The following ZW10 variants were observed in gnomAD, a reference collection of about 807,000 sequenced individuals.
ZW10 encodes centromere/kinetochore protein zw10 homolog.
Under a neutral mutation model 87.8 loss-of-function variants are expected in ZW10, and 53 were observed. That is an observed-to-expected ratio of 0.60 (90% CI 0.48 to 0.76). The LOEUF is 0.76. ZW10 is among the 30% of genes least tolerant of loss of function. The pLI is 0.00. For synonymous variants in ZW10, 312 were observed against 329.2 expected (o/e 0.95, Z 0.57); for missense variants, 837 against 923.0 (o/e 0.91, Z 1.21).
chr11:113,737,421 A>G (rs1041204619), intron 14 of ZW10, 151 bp downstream of exon 14: 1 of 774,164 alleles, frequency 1.3e-6, no homozygotes, highest in Non-Finnish European at 2.0e-6. Context: ...GTTTCTAGCA[A>G]AACAGATATA....
At chr11:113,741,979 T>G (rs530685484) in intron 10 of ZW10, among the ~76,000 whole-genome samples, 38 of 152,366 alleles carry the variant, frequency 2.5e-4, no homozygotes, top group Non-Finnish European at 4.4e-4. Context: ...AACACCTGGA[T>G]GCATTAATGA....
intron 15 of ZW10, among the ~76,000 whole-genome samples, chr11:113,735,616 G>C (rs1473285354): frequency 6.6e-6 from 1 of 152,086 alleles, no homozygotes; most frequent in Admixed American, 6.5e-5. Context: ...CCTCTACAGA[G>C]AGTCCTTTAT....
At chr11:113,744,157 G>T in intron 9 of ZW10, 117 bp from the exon 10 acceptor site, 1 of 765,136 alleles carries the variant, frequency 1.3e-6, no homozygotes, top group Non-Finnish European at 2.1e-6. Context: ...GGAGGCCGAG[G>T]CGGGCAGATC....
At position 113,733,430 on chromosome 11, in the gene ZW10, C is replaced by A. The variant is rs1953512638; in HGVS notation, c.*264G>T. On this transcript the variant is annotated 3_prime_UTR_variant, in exon 16 of 16. Coordinates refer to ENST00000200135, the MANE Select transcript of ZW10 (RefSeq NM_004724.4). Reference sequence around the variant, plus strand: ...CTGGAAGCAGCATGAAATAATGCTGCCTGACAGTTTGTTAGCTAATCAAAG... The same window carrying A: ...CTGGAAGCAGCATGAAATAATGCTGACTGACAGTTTGTTAGCTAATCAAAG... The A allele has an allele frequency of 1.2e-5, 5 of 434,716 alleles. No homozygotes were observed. The East Asian group carries it at 2.4e-4, about 21-fold the overall frequency. The allele number at this position is 434,716 out of a possible 1,614,324, so 26.9% of individuals were successfully genotyped here. A position where few individuals can be genotyped will look rare whatever the true frequency, so the allele number is the denominator to read the frequency against.
rs1240269398 is a variant in ZW10 at position 113,747,570 on chromosome 11, G to A, written c.1233C>T (p.Ala411=). The change falls in exon 9 of 16, where the codon GCC becomes GCT. Residue 411 remains alanine, a synonymous_variant. Transcript: ENST00000200135. ...GAATTTCTGAGGTCATTAGATTTCT[G>A]GCTGCCACAATCACATCCTGGCACT... The part of the protein sequence containing the change: ...NKKCQDVIVA[A]RNLMTSEIHN... 6.2e-7 allele frequency: 1 copy of A among 1,613,420 alleles called. No individual in the cohort carries two copies. The highest frequency in any genetic ancestry group is 1.7e-5 in the Admixed American group (1 of 59,986).
In ZW10 at chr11:113,773,658, C is replaced by T. The variant is rs750810822; in HGVS notation, c.9G>A (p.Ser3=). The T allele has an allele frequency of 6.2e-7, 1 of 1,613,202 alleles. No individual in the cohort carries two copies. Among genetic ancestry groups the T allele is most frequent in the South Asian group, 1.1e-5 (1 of 90,992 alleles). The change falls in exon 1 of 16, where the codon TCG becomes TCA. Residue 3 remains serine, a synonymous_variant. Coordinates refer to ENST00000200135, the MANE Select transcript of ZW10 (RefSeq NM_004724.4). MA[S]FVTEVLAHSG... is the part of the protein sequence containing the mutation. ...AGTGTGCCAAAACTTCTGTCACGAA[C>T]GAGGCCATGGCCAAGACGGGAACCA... is the stretch of plus-strand genomic sequence containing the variant.
At chr11:113,736,457 C>T (rs139863682) in intron 15 of ZW10, among the ~76,000 whole-genome samples, 163 bp downstream of exon 15, 480 of 152,258 alleles carry the variant, frequency 3.2e-3, no homozygotes, top group Non-Finnish European at 4.9e-3. Context: ...GTAATGAGAT[C>T]TGCATTATGA....
intron 10 of ZW10, among the ~76,000 whole-genome samples, chr11:113,742,346 T>C (rs949984209): frequency 2.0e-5 from 3 of 152,234 alleles, no homozygotes; most frequent in African/African-American, 7.2e-5. Flanking sequence ...ATAAGGTTTG[T>C]GTAACTTACC....
At position 113,760,523 on chromosome 11, in the gene ZW10, C is replaced by T. The variant is rs200622589; in HGVS notation, c.410G>A (p.Arg137His). 6.8e-5 allele frequency: 110 copies of T among 1,613,636 alleles called. No individual in the cohort carries two copies. The African/African-American group carries it at 9.9e-4, about 14-fold the overall frequency. ...GAGAGCATTTAGTACCTCTTCCAGACGCTGAGCACCAGTGACATACTTCTT... is the reference window on the plus strand; with the variant it reads ...GAGAGCATTTAGTACCTCTTCCAGATGCTGAGCACCAGTGACATACTTCTT... The part of the protein sequence containing the change: ...TEKKYVTGAQ[R>H]LEEAQKCLKL... The change falls in exon 4 of 16, where the codon CGT becomes CAT. Residue 137 changes from arginine to histidine, a missense_variant. Arg to His is a conservative substitution (Grantham distance 29, BLOSUM62 0). Transcript: ENST00000200135.
At chr11:113,771,393 T>A (rs1009201147) in intron 1 of ZW10, 1 of 152,276 alleles carries the variant, frequency 6.6e-6, no homozygotes, top group East Asian at 1.9e-4. Flanking sequence ...AGTACTTACC[T>A]GGGCTGGAGT....
intron 11 of ZW10, 58 bp from the exon 12 acceptor site, chr11:113,739,440 T>A: frequency 6.7e-7 from 1 of 1,484,330 alleles, no homozygotes; most frequent in Non-Finnish European, 9.1e-7. Context: ...AAGCTGGGGT[T>A]GATGAAAGTC....
chr11:113,759,894 A>G (rs562569909), intron 5 of ZW10, among the ~76,000 whole-genome samples: 3 of 152,282 alleles, frequency 2.0e-5, no homozygotes, highest in Admixed American at 6.5e-5. Flanking sequence ...GGCAATGGAA[A>G]CTTAATGTGG....
Position 113,758,682 on chromosome 11 carries a change from A to G in ZW10, c.605T>C (p.Leu202Pro), listed in dbSNP as rs199649706. The change falls in exon 6 of 16, where the codon CTA becomes CCA. Residue 202 changes from leucine to proline, a missense_variant. Transcript: ENST00000200135. ...AGTGTATAAATGAAGTTCAGTTTGT[A>G]GGTAAGATTCCAAACTGCTGGTATC... Reference protein sequence around the residue: ...SKDTSSLESYLQTELHLYTEQ... With the variant: ...SKDTSSLESYPQTELHLYTEQ... 5.3e-5 allele frequency: 86 copies of G among 1,614,024 alleles called. No individual in the cohort carries two copies. The highest frequency in any genetic ancestry group is 4.0e-4 in the East Asian group (18 of 44,870).
At chr11:113,750,492 T>TG (rs1227289158) in intron 7 of ZW10, among the ~76,000 whole-genome samples, 1 of 151,998 alleles carries the variant, frequency 6.6e-6, no homozygotes, top group African/African-American at 2.4e-5. Flanking sequence ...TTAGTAGAGA[T>TG]GGGGTTTCAC....
At chr11:113,763,923 A>C (rs1217646082) in intron 2 of ZW10, among the ~76,000 whole-genome samples, 2 of 152,176 alleles carry the variant, frequency 1.3e-5, no homozygotes, top group Admixed American at 6.6e-5. Context: ...GTTTGTCAGG[A>C]AGTCCTTGCC....
At chr11:113,735,970 A>C (rs1953547194) in intron 15 of ZW10, among the ~76,000 whole-genome samples, 1 of 152,182 alleles carries the variant, frequency 6.6e-6, no homozygotes, top group Non-Finnish European at 1.5e-5. Flanking sequence ...AGTAATTCTG[A>C]AAATGCATCC....
Position 113,738,364 on chromosome 11 carries a change from G to A in ZW10, c.1784C>T (p.Ala595Val). The change falls in exon 13 of 16, where the codon GCA (alanine) becomes GTA (valine). Residue 595 changes from alanine to valine, a missense_variant. Transcript: ENST00000200135. Reference protein sequence around the residue: ...GTECFLAQMRAQKGELLERLS... With the variant: ...GTECFLAQMRVQKGELLERLS... ...TCTTTCCAGAAGTTCACCTTTCTGT[G>A]CCCGCATTTGGGCCAAAAAGCATTC... The A allele has an allele frequency of 6.2e-7, 1 of 1,613,124 alleles. No homozygotes were observed. The highest frequency in any genetic ancestry group is 8.5e-7 in the Non-Finnish European group (1 of 1,179,678).
rs564756996 is a variant in ZW10 at position 113,733,304 on chromosome 11, C to T, written c.*390G>A. On this transcript the variant is annotated 3_prime_UTR_variant, in exon 16 of 16. Coordinates refer to ENST00000200135, the MANE Select transcript of ZW10 (RefSeq NM_004724.4). ...CTCCTCCACACCCCTAAAATATCTC[C>T]GATTTGCTCAGAAATTCTCTACCCT... 83 of 164,380 alleles carry T rather than the reference C, an allele frequency of 5.0e-4. No homozygotes were observed. Among genetic ancestry groups the T allele is most frequent in the Non-Finnish European group, 7.5e-4 (57 of 75,904 alleles). The allele number at this position is 164,380 out of a possible 1,614,324, so 10.2% of individuals were successfully genotyped here.
chr11:113,763,364 TCCCTTGGGTATATA>T (rs1238948530), intron 2 of ZW10, among the ~76,000 whole-genome samples: 1 of 152,254 alleles, frequency 6.6e-6, no homozygotes, highest in Non-Finnish European at 1.5e-5. Flanking sequence ...TCATTTATAT[TCCCTTGGGTATATA>T]CCCAGTAATG....
Sources: gnomAD v4.1 joint callset for allele counts (sites outside exome capture counted in the v4.1 genomes callset) on GRCh38, gnomAD v4.1.1 for gene constraint, MANE v1.5 for transcripts, NCBI Gene and HGNC (gene_info 2026-07-23, HGNC 2026-07-21) for gene names.